CDH23: variants seen among roughly 807,000 people sequenced by gnomAD.
CDH23 encodes the protein cadherin-23.
CDH23 carries 189 observed loss-of-function variants against 317.1 expected under a neutral mutation model. The ratio of observed to expected loss-of-function variants is 0.60; its 90% CI spans 0.53 to 0.67. CDH23 has a LOEUF of 0.67. Among genes scored for constraint, CDH23 ranks in the 30% least tolerant of loss-of-function variants. The probability of loss-of-function intolerance (pLI) is 0.00; values close to 1 mark genes in which losing one functional copy is unlikely to be tolerated. For synonymous variants in CDH23, 1,839 were observed against 1,876.8 expected, an observed-to-expected ratio of 0.98 and a Z score of 0.52; for missense variants, 4,401 against 4,592.4, an observed-to-expected ratio of 0.96 and a Z score of 1.20.
intron 8 of CDH23, among the ~76,000 whole-genome samples, chr10:71,577,301 G>A (rs529375617): frequency 2.6e-5 from 4 of 152,120 alleles, no homozygotes; most frequent in South Asian, 4.2e-4. Flanking sequence ...AGGGGTGTGG[G>A]CAGAGCCATT....
At chr10:71,436,352 C>T (rs748495347) in intron 1 of CDH23, among the ~76,000 whole-genome samples, 14 of 152,240 alleles carry the variant, frequency 9.2e-5, no homozygotes, top group African/African-American at 2.9e-4. Flanking sequence ...CTGTGGAAAG[C>T]GAAAGGCATT....
chr10:71,533,707 G>T, intron 6 of CDH23, among the ~76,000 whole-genome samples: 1 of 152,138 alleles, frequency 6.6e-6, no homozygotes, highest in East Asian at 1.9e-4. Context: ...CACTGGAGAG[G>T]TTGGAGGGCT....
chr10:71,777,652 C>A (rs1220665414), intron 38 of CDH23, 28 bp from the exon 39 acceptor site: 10 of 1,584,098 alleles, frequency 6.3e-6, no homozygotes, highest in South Asian at 1.2e-5. Context: ...GCCACCTGAC[C>A]AAGGACGTGA....
intron 9 of CDH23, among the ~76,000 whole-genome samples, chr10:71,603,169 C>A (rs1860328788): frequency 6.6e-6 from 1 of 152,122 alleles, no homozygotes; most frequent in Admixed American, 6.6e-5. Context: ...GAGGGGGTGA[C>A]AACACGTCCA....
At chr10:71,658,774 G>T (rs1360325718) in intron 14 of CDH23, among the ~76,000 whole-genome samples, 1 of 152,160 alleles carries the variant, frequency 6.6e-6, no homozygotes, top group Non-Finnish European at 1.5e-5. Context: ...ACCCCAGACG[G>T]TCTGACCCCA....
In CDH23 at chr10:71,510,125, C is replaced by T; in HGVS notation, c.189C>T (p.Asp63=). The part of the protein sequence containing the change: ...TQLLAQDMDN[D]PLVFGVSGEE... ...TGCTGGCCCAAGACATGGACAATGA[C>T]CCCCTGGTGTTTGGCGTGTCTGGGG... Residue 63 remains aspartate, a synonymous_variant, in exon 4 of 70, where the codon GAC becomes GAT. Transcript: ENST00000224721. 1 of 1,613,994 alleles carries T rather than the reference C, an allele frequency of 6.2e-7. No individual in the cohort carries two copies. The highest frequency in any genetic ancestry group is 2.2e-5 in the East Asian group (1 of 44,882).
intron 16 of CDH23, among the ~76,000 whole-genome samples, 184 bp from the exon 17 acceptor site, chr10:71,679,200 TGCG>T (rs1864503304): frequency 6.6e-6 from 1 of 151,988 alleles, no homozygotes; most frequent in Non-Finnish European, 1.5e-5. Context: ...GGAGCCAGAG[TGCG>T]GCCTCCAGTT....
intron 6 of CDH23, among the ~76,000 whole-genome samples, chr10:71,516,297 G>C (rs1018572294): frequency 6.6e-6 from 1 of 152,180 alleles, no homozygotes; most frequent in Non-Finnish European, 1.5e-5. Context: ...GGCTACTATG[G>C]GGAAGGGCTG....
intron 16 of CDH23, 82 bp from the exon 17 acceptor site, chr10:71,679,305 C>CCCCTCCCTCCCAGCTG: frequency 1.2e-6 from 1 of 803,460 alleles, no homozygotes; most frequent in Non-Finnish European, 2.1e-6. Context: ...GGCCAGTCTT[C>CCCCTCCCTCCCAGCTG]CCCACCCTCC....
chr10:71,592,887 C>T (rs770972748), intron 9 of CDH23, among the ~76,000 whole-genome samples: 4 of 152,192 alleles, frequency 2.6e-5, no homozygotes, highest in Admixed American at 6.5e-5. Flanking sequence ...CTCTTCTTCG[C>T]GCCGCTCTTG....
rs200038577 is a variant in CDH23, at chr10:71,532,727, GTTTT to G, written c.429+21532_429+21535del. On this transcript the variant is annotated intron_variant, in intron 6 of 69. Coordinates refer to ENST00000224721, the MANE Select transcript of CDH23 (RefSeq NM_022124.6). Reference sequence around the variant, plus strand: ...TTTGTTTTTGTTTTTTTTTTTTTTTGTTTTTTTTTTTTTTTTTTTTGAGACGGAG... The same window carrying G: ...TTTGTTTTTGTTTTTTTTTTTTTTTGTTTTTTTTTTTTTTTTGAGACGGAG... Among the ~76,000 whole-genome samples, 39 of 93,932 alleles carry G rather than the reference GTTTT, an allele frequency of 4.2e-4. No individual in the cohort carries two copies. The South Asian group carries it at 4.3e-3, about 10-fold the overall frequency. The allele number at this position is 93,932 out of a possible 152,430, so 61.6% of individuals were successfully genotyped here. A position where few individuals can be genotyped will look rare whatever the true frequency, so the allele number is the denominator to read the frequency against.
chr10:71,667,397 C>CATGT (rs1300179586), intron 14 of CDH23, among the ~76,000 whole-genome samples: 1 of 106,880 alleles, frequency 9.4e-6, no homozygotes, highest in Admixed American at 9.5e-5. Flanking sequence ...TGTGTGTGTG[C>CATGT]GCGTGTGTGT....
At chr10:71,459,982 G>T (rs914445840) in intron 3 of CDH23, among the ~76,000 whole-genome samples, 1 of 152,196 alleles carries the variant, frequency 6.6e-6, no homozygotes, top group Admixed American at 6.5e-5. Flanking sequence ...CAGAAATTGT[G>T]CTAGGGATGT....
At chr10:71,475,749 G>C (rs1045359596) in intron 3 of CDH23, among the ~76,000 whole-genome samples, 4 of 152,214 alleles carry the variant, frequency 2.6e-5, no homozygotes, top group African/African-American at 9.6e-5. Context: ...ACAGGGTTGG[G>C]GATTGCAGCC....
intron 9 of CDH23, among the ~76,000 whole-genome samples, chr10:71,610,090 C>T (rs1431239607): frequency 1.3e-5 from 2 of 151,830 alleles, no homozygotes; most frequent in African/African-American, 4.8e-5. Context: ...CTGCAACCTC[C>T]GTCTCCCAGG....
intron 27 of CDH23, among the ~76,000 whole-genome samples, chr10:71,709,560 C>T (rs1393225697): frequency 2.6e-5 from 4 of 152,198 alleles, no homozygotes; most frequent in African/African-American, 4.8e-5. Flanking sequence ...GCTTCCTTCA[C>T]GAATCGGCAT....
chr10:71,509,286 G>A (rs112493242), intron 3 of CDH23, among the ~76,000 whole-genome samples: 1,983 of 152,332 alleles, frequency 0.013, 40 homozygotes, highest in African/African-American at 0.041. Flanking sequence ...TTCTGAATTA[G>A]AGAAGGTGCT....
intron 60 of CDH23, among the ~76,000 whole-genome samples, chr10:71,808,322 CCCT>C (rs908648382): frequency 6.6e-6 from 1 of 152,200 alleles, no homozygotes; most frequent in East Asian, 1.9e-4. Flanking sequence ...ATCTGTCCAT[CCCT>C]CATTTTATCC....
At position 71,812,294 on chromosome 10, in the gene CDH23, G is replaced by C. The variant is rs182429431; in HGVS notation, c.9381-186G>C. On this transcript the variant is annotated intron_variant, in intron 66 of 69. Coordinates refer to ENST00000224721, the MANE Select transcript of CDH23 (RefSeq NM_022124.6). Reference sequence around the variant, plus strand: ...CACCAAAGGCAATCCAGACTGACATGCGGTCCTGGTTCCAGCAGGATCCTA... The same window carrying C: ...CACCAAAGGCAATCCAGACTGACATCCGGTCCTGGTTCCAGCAGGATCCTA... The C allele has an allele frequency of 1.1e-4, 181 of 1,598,850 alleles. 1 individual carries two copies. The African/African-American group carries it at 2.3e-3, about 20-fold the overall frequency.
Sources: gnomAD v4.1 joint callset for allele counts (sites outside exome capture counted in the v4.1 genomes callset) on GRCh38, gnomAD v4.1.1 for gene constraint, MANE v1.5 for transcripts, NCBI Gene and HGNC (gene_info 2026-07-23, HGNC 2026-07-21) for gene names.